The following SLC16A10 variants were observed in gnomAD, a reference collection of about 807,000 sequenced individuals.
SLC16A10 encodes monocarboxylate transporter 10.
In SLC16A10, 27 loss-of-function variants were observed where a neutral mutation model predicts 40.0. The observed-to-expected ratio is 0.67, with a 90% confidence interval of 0.50 to 0.93. The LOEUF (loss-of-function observed/expected upper bound fraction) is 0.93. Ranked by LOEUF, SLC16A10 falls within the 40% of genes least tolerant of loss-of-function variation. The probability of loss-of-function intolerance (pLI) is 0.00; values close to 1 mark genes in which losing one functional copy is unlikely to be tolerated. For missense variants in SLC16A10, 529 were observed against 658.2 expected, an observed-to-expected ratio of 0.80 and a Z score of 2.15; for synonymous variants, 213 against 249.8, an observed-to-expected ratio of 0.85 and a Z score of 1.39.
intron 3 of SLC16A10, among the ~76,000 whole-genome samples, chr6:111,185,360 G>A (rs1772876815): frequency 6.6e-6 from 1 of 152,156 alleles, no homozygotes; most frequent in African/African-American, 2.4e-5. Flanking sequence ...ACCAAAGATT[G>A]CTTTGCACGT....
intron 3 of SLC16A10, among the ~76,000 whole-genome samples, chr6:111,191,580 T>C (rs1312053384): frequency 6.6e-6 from 1 of 152,212 alleles, no homozygotes; most frequent in Non-Finnish European, 1.5e-5. Context: ...TTCAAGTTCC[T>C]TGAGGAATTG....
intron 3 of SLC16A10, among the ~76,000 whole-genome samples, chr6:111,198,779 T>C (rs1436434933): frequency 6.6e-6 from 1 of 152,224 alleles, no homozygotes; most frequent in East Asian, 1.9e-4. Flanking sequence ...ACCTGTTCAT[T>C]TGCATGCACA....
rs1165894615 is a variant in SLC16A10, at chr6:111,226,507, AAC to A, written c.*4275_*4276del. 6.6e-6 allele frequency: 1 copy of A among 152,230 alleles called. No individual in the cohort carries two copies. The highest frequency in any genetic ancestry group is 1.5e-5 in the Non-Finnish European group (1 of 68,044). 9.4% of individuals were successfully genotyped at this position (152,230 alleles called of 1,614,324 possible). A position where few individuals can be genotyped will look rare whatever the true frequency, so the allele number is the denominator to read the frequency against. ...ATTTAAAACTTTTTAGGAAGTCTCTAACACTGAAAAAAAGGTCATTGTTGCTG... is the reference window on the plus strand; with the variant it reads ...ATTTAAAACTTTTTAGGAAGTCTCTAACTGAAAAAAAGGTCATTGTTGCTG... On this transcript the variant is annotated 3_prime_UTR_variant, in exon 6 of 6. Coordinates refer to ENST00000368851, the MANE Select transcript of SLC16A10 (RefSeq NM_018593.5).
intron 1 of SLC16A10, among the ~76,000 whole-genome samples, chr6:111,147,445 T>A (rs912392278): frequency 1.2e-4 from 19 of 152,214 alleles, no homozygotes; most frequent in African/African-American, 4.3e-4. Flanking sequence ...TATGTATATA[T>A]TTAAGAATAA....
intron 1 of SLC16A10, among the ~76,000 whole-genome samples, chr6:111,123,710 G>A (rs929634951): frequency 1.3e-5 from 2 of 152,196 alleles, no homozygotes; most frequent in African/African-American, 4.8e-5. Flanking sequence ...TGAGCCCCTT[G>A]GCAGGGATGG....
Position 111,230,507 on chromosome 6 carries a change from C to A in SLC16A10, c.*8272C>A, listed in dbSNP as rs1771094945. On this transcript the variant is annotated 3_prime_UTR_variant, in exon 6 of 6. Coordinates refer to ENST00000368851, the MANE Select transcript of SLC16A10 (RefSeq NM_018593.5). ...GCAGAGAGAATGGAAGCTTGCTAAT[C>A]AGAAGTTACATTAGGGTGAGATTAA... The A allele has an allele frequency of 6.6e-6, 1 of 152,160 alleles. No individual in the cohort carries two copies. Among genetic ancestry groups the A allele is most frequent in the Admixed American group, 6.5e-5 (1 of 15,276 alleles). The allele number at this position is 152,160 out of a possible 1,614,324, so 9.4% of individuals were successfully genotyped here. A position where few individuals can be genotyped will look rare whatever the true frequency, so the allele number is the denominator to read the frequency against.
intron 4 of SLC16A10, among the ~76,000 whole-genome samples, chr6:111,209,455 TG>T (rs1190478153): frequency 1.3e-5 from 2 of 152,132 alleles, no homozygotes; most frequent in East Asian, 3.9e-4. Flanking sequence ...GATGATGAAT[TG>T]GGGTTTTTTA....
At chr6:111,178,287 G>C (rs933929448) in intron 3 of SLC16A10, 1 of 468,640 alleles carries the variant, frequency 2.1e-6, no homozygotes, top group Admixed American at 2.5e-5. Context: ...TCTATTCAGA[G>C]GAATATCTGA....
chr6:111,109,952 A>G (rs1771355974), intron 1 of SLC16A10, among the ~76,000 whole-genome samples: 2 of 152,162 alleles, frequency 1.3e-5, no homozygotes, highest in African/African-American at 4.8e-5. Flanking sequence ...AGTGGGTAAT[A>G]CTGTGTACTT....
intron 3 of SLC16A10, among the ~76,000 whole-genome samples, chr6:111,195,043 C>G (rs963726874): frequency 1.6e-4 from 24 of 152,108 alleles, no homozygotes; most frequent in Non-Finnish European, 3.5e-4. Context: ...ATACTCGGTG[C>G]CTCCTTTTCT....
rs79257808 is a variant in SLC16A10 at position 111,168,362 on chromosome 6, A to G, written c.344-4333A>G. Among the ~76,000 whole-genome samples the G allele has an allele frequency of 8.2e-3, 1,246 of 152,348 alleles. 15 individuals carry two copies. The highest frequency in any genetic ancestry group is 0.032 in the East Asian group (164 of 5,190). The stretch of plus-strand genomic sequence containing the variant: ...CTTCAGTTTCTCAATTGTTAAACGA[A>G]CTTAATAGAAGTACTACCTTATAGA... On this transcript the variant is annotated intron_variant, in intron 1 of 5. Transcript: ENST00000368851.
intron 4 of SLC16A10, among the ~76,000 whole-genome samples, chr6:111,210,829 G>A (rs1348376783): frequency 9.2e-5 from 14 of 152,078 alleles, no homozygotes; most frequent in Admixed American, 9.2e-4. Flanking sequence ...GAGGTCAGGA[G>A]ATCGAAACAC....
chr6:111,088,668 C>A (rs537126306), intron 1 of SLC16A10, among the ~76,000 whole-genome samples: 4 of 152,046 alleles, frequency 2.6e-5, no homozygotes, highest in Non-Finnish European at 5.9e-5. Context: ...CTTTTTTTGC[C>A]CTCTGGGTTA....
intron 1 of SLC16A10, among the ~76,000 whole-genome samples, chr6:111,093,066 AAAG>A (rs1771012345): frequency 6.7e-6 from 1 of 150,124 alleles, no homozygotes; most frequent in South Asian, 2.1e-4. Flanking sequence ...GAAAAGAAAA[AAAG>A]AAAAAAGAAA....
chr6:111,127,511 G>C (rs1771697211), intron 1 of SLC16A10, among the ~76,000 whole-genome samples: 1 of 152,188 alleles, frequency 6.6e-6, no homozygotes, highest in African/African-American at 2.4e-5. Context: ...GAGCAGGGGA[G>C]TGATGTGTCT....
At chr6:111,190,882 G>T (rs764086762) in intron 3 of SLC16A10, among the ~76,000 whole-genome samples, 8 of 152,224 alleles carry the variant, frequency 5.3e-5, no homozygotes, top group South Asian at 2.1e-4. Flanking sequence ...TACGTTGAAG[G>T]TCTCTGACAT....
chr6:111,226,121 A>G lies in SLC16A10; in HGVS notation c.*3886A>G, dbSNP rs1197049176. ...AGAAATAAATTTCATACAAATTAGT[A>G]TCTTTTATGCTAACATTTAAAACTG... is the stretch of plus-strand genomic sequence containing the variant. On this transcript the variant is annotated 3_prime_UTR_variant, in exon 6 of 6. Coordinates refer to ENST00000368851, the MANE Select transcript of SLC16A10 (RefSeq NM_018593.5). 1 of 152,208 alleles carries G rather than the reference A, an allele frequency of 6.6e-6. No homozygotes were observed. Among genetic ancestry groups the G allele is most frequent in the Admixed American group, 6.5e-5 (1 of 15,280 alleles). 9.4% of individuals were successfully genotyped at this position (152,208 alleles called of 1,614,324 possible).
At chr6:111,151,189 AT>A (rs1183796666) in intron 1 of SLC16A10, among the ~76,000 whole-genome samples, 1 of 152,094 alleles carries the variant, frequency 6.6e-6, no homozygotes, top group African/African-American at 2.4e-5. Context: ...TACAGTAACT[AT>A]TTTTTTCCTC....
intron 1 of SLC16A10, among the ~76,000 whole-genome samples, chr6:111,156,440 C>A (rs1772271639): frequency 1.3e-5 from 2 of 152,196 alleles, no homozygotes; most frequent in East Asian, 1.9e-4. Context: ...TGATACTGCA[C>A]TGTGTTTCCT....
Sources: allele counts gnomAD v4.1 joint callset (sites outside exome capture counted in the v4.1 genomes callset), GRCh38; gene constraint gnomAD v4.1.1; transcripts MANE v1.5; gene names NCBI Gene and HGNC (gene_info 2026-07-23, HGNC 2026-07-21).